Variants in SMG6 observed in about 807,000 individuals in gnomAD.
SMG6 encodes telomerase-binding protein EST1A.
SMG6 carries 66 observed loss-of-function variants against 142.2 expected under a neutral mutation model. The observed-to-expected ratio is 0.46, with a 90% CI of 0.38 to 0.57. SMG6 has a LOEUF of 0.57. Ranked by LOEUF, SMG6 falls within the 20% of genes least tolerant of loss-of-function variation. SMG6 has a pLI of 0.00. For synonymous variants in SMG6, 779 were observed against 702.4 expected (o/e 1.11, Z -1.72); for missense variants, 1,793 against 1,832.0 (o/e 0.98, Z 0.39).
At position 2,065,495 on chromosome 17, in the gene SMG6, G is replaced by C; in HGVS notation, c.4020C>G (p.Phe1340Leu). Residue 1340 changes from phenylalanine to leucine, a missense_variant, in exon 17 of 19, where the codon TTC (phenylalanine) becomes TTG (leucine). Around this residue, in one of 3 missense-constraint regions of SMG6, gnomAD observed 179 missense variants for 212.6 expected, o/e 0.84. Coordinates refer to ENST00000263073, the MANE Select transcript of SMG6 (RefSeq NM_017575.5). ...GCTGGCCAGTGATGTCCTCACTGCG[G>C]AAGGCGATGGATTCGAGTTCATTGC... The part of the protein sequence containing the change: ...SRGNELESIA[F>L]RSEDITGQLG... 1.9e-6 allele frequency: 3 copies of C among 1,613,432 alleles called. No homozygotes were observed. Among genetic ancestry groups the C allele is most frequent in the Non-Finnish European group, 8.5e-7 (1 of 1,179,986 alleles).
rs1246237113 is a variant in SMG6, at chr17:2,216,300, A to G, written c.2869+20192T>C. ...GAGGTAATAGGAATTTTTTTTACAG[A>G]TTTGGCTTTCTACTGTCTTCAGAGG... On this transcript the variant is annotated intron_variant, in intron 10 of 18. Transcript: ENST00000263073. 2.6e-5 allele frequency among the ~76,000 whole-genome samples: 4 copies of G among 152,062 alleles called. No individual in the cohort carries two copies. The East Asian group carries it at 7.7e-4, about 29-fold the overall frequency.
At chr17:2,212,268 G>A (rs1331301252) in intron 10 of SMG6, among the ~76,000 whole-genome samples, 1 of 152,176 alleles carries the variant, frequency 6.6e-6, no homozygotes, top group Non-Finnish European at 1.5e-5. Flanking sequence ...GAAAGAGACA[G>A]GGAGATGGAA....
intron 13 of SMG6, among the ~76,000 whole-genome samples, chr17:2,117,317 A>G (rs1449695438): frequency 6.6e-6 from 1 of 150,926 alleles, no homozygotes; most frequent in East Asian, 2.0e-4. Flanking sequence ...CACTGTATTA[A>G]GGCAAGAAAA....
At chr17:2,297,400 A>C in intron 3 of SMG6, 47 bp from the exon 4 acceptor site, 1 of 1,429,370 alleles carries the variant, frequency 7.0e-7, no homozygotes, top group Non-Finnish European at 9.6e-7. Flanking sequence ...ATTCTAATCC[A>C]ACCTATCCAC....
intron 13 of SMG6, among the ~76,000 whole-genome samples, chr17:2,132,798 T>C (rs1234765688): frequency 6.6e-6 from 1 of 152,116 alleles, no homozygotes; most frequent in Non-Finnish European, 1.5e-5. Flanking sequence ...ATATACTGCC[T>C]TTTGTTGTTG....
chr17:2,115,703 G>C (rs1461149149), intron 13 of SMG6, among the ~76,000 whole-genome samples: 1 of 152,026 alleles, frequency 6.6e-6, no homozygotes, highest in Non-Finnish European at 1.5e-5. Context: ...GTTGCACTTG[G>C]AATAGGCAAA....
At chr17:2,262,643 C>T (rs1261265487) in intron 8 of SMG6, among the ~76,000 whole-genome samples, 8 of 152,216 alleles carry the variant, frequency 5.3e-5, no homozygotes, top group African/African-American at 1.9e-4. Flanking sequence ...GTCGCTCTAC[C>T]TGTTCACCCT....
At chr17:2,269,081 GTAGTCCCAGCTACTCA>G (rs1424958514) in intron 8 of SMG6, among the ~76,000 whole-genome samples, 2 of 151,766 alleles carry the variant, frequency 1.3e-5, no homozygotes, top group South Asian at 2.1e-4. Flanking sequence ...GCAGGCGCCT[GTAGTCCCAGCTACTCA>G]TAGTCCCAGC....
intron 13 of SMG6, among the ~76,000 whole-genome samples, chr17:2,152,643 A>C (rs190415160): frequency 2.0e-5 from 3 of 152,322 alleles, no homozygotes; most frequent in Admixed American, 2.0e-4. Context: ...TAAAATCACA[A>C]GGTACCTAGT....
intron 13 of SMG6, among the ~76,000 whole-genome samples, chr17:2,129,862 G>A (rs1389974262): frequency 2.1e-5 from 3 of 141,246 alleles, no homozygotes; most frequent in African/African-American, 7.8e-5. Context: ...AACTTTAGAA[G>A]CATTGCTATT....
chr17:2,169,312 A>G (rs1031635506), intron 13 of SMG6, among the ~76,000 whole-genome samples: 10 of 140,462 alleles, frequency 7.1e-5, no homozygotes, highest in Non-Finnish European at 1.6e-4. Flanking sequence ...CTCATCTCTT[A>G]AAAAAAAAAA....
chr17:2,219,244 G>A (rs573443690), intron 10 of SMG6, among the ~76,000 whole-genome samples: 6 of 152,152 alleles, frequency 3.9e-5, no homozygotes, highest in East Asian at 3.9e-4. Flanking sequence ...AATTAGCCAC[G>A]CGTGGTGGCG....
At chr17:2,128,649 C>T (rs1379188174) in intron 13 of SMG6, among the ~76,000 whole-genome samples, 1 of 151,894 alleles carries the variant, frequency 6.6e-6, no homozygotes, top group Non-Finnish European at 1.5e-5. Flanking sequence ...CGTGGTGAAA[C>T]CCCGTCTCTA....
chr17:2,212,177 T>C (rs1327265069), intron 10 of SMG6, among the ~76,000 whole-genome samples: 1 of 152,232 alleles, frequency 6.6e-6, no homozygotes, highest in East Asian at 1.9e-4. Context: ...TGTATAACTG[T>C]TTCCTTTCAA....
At chr17:2,080,939 CTTTCA>C (rs1227385676) in intron 15 of SMG6, among the ~76,000 whole-genome samples, 1 of 152,176 alleles carries the variant, frequency 6.6e-6, no homozygotes, top group African/African-American at 2.4e-5. Flanking sequence ...CCGGCCAGCA[CTTTCA>C]TTTAACAGAT....
At chr17:2,263,382 A>C (rs930754849) in intron 8 of SMG6, among the ~76,000 whole-genome samples, 2 of 152,192 alleles carry the variant, frequency 1.3e-5, no homozygotes, top group African/African-American at 4.8e-5. Flanking sequence ...TAAAAGCAGT[A>C]CTACTAGTAA....
intron 13 of SMG6, among the ~76,000 whole-genome samples, chr17:2,121,578 CATGTCTGTCT>C (rs1567614081): frequency 3.4e-5 from 2 of 58,508 alleles, no homozygotes; most frequent in African/African-American, 1.0e-4. Context: ...TATATATGTA[CATGTCTGTCT>C]GTGTGTGTGT....
At chr17:2,164,990 A>G (rs545043017) in intron 13 of SMG6, among the ~76,000 whole-genome samples, 13 of 152,290 alleles carry the variant, frequency 8.5e-5, no homozygotes, top group Non-Finnish European at 1.3e-4. Flanking sequence ...TTTGTCACGT[A>G]AGGTAACATG....
intron 13 of SMG6, among the ~76,000 whole-genome samples, chr17:2,107,217 C>T (rs2069179541): frequency 6.6e-6 from 1 of 152,066 alleles, no homozygotes. Flanking sequence ...GTGCTGACAG[C>T]TGGAAATCCT....
Sources: gnomAD v4.1 joint callset for allele counts (sites outside exome capture counted in the v4.1 genomes callset) on GRCh38, gnomAD v4.1.1 for gene constraint, gnomAD v4.1.1 regional missense constraint, MANE v1.5 for transcripts, NCBI Gene and HGNC (gene_info 2026-07-23, HGNC 2026-07-21) for gene names.